SEL1L2: variants seen among roughly 807,000 people sequenced by gnomAD.
The protein encoded by SEL1L2 is protein sel-1 homolog 2.
SEL1L2 carries 89 observed loss-of-function variants against 98.8 expected under a neutral mutation model. That is an observed-to-expected ratio of 0.90 (90% CI 0.76 to 1.07). The LOEUF (loss-of-function observed/expected upper bound fraction) is 1.07. Among genes scored for constraint, SEL1L2 ranks in the 50% least tolerant of loss-of-function variants. The pLI, the probability that SEL1L2 is intolerant of heterozygous loss-of-function variation, is 0.00. For missense variants in SEL1L2, 788 were observed against 812.0 expected (o/e 0.97, Z 0.36); for synonymous variants, 262 against 278.5 (o/e 0.94, Z 0.59).
intron 2 of SEL1L2, among the ~76,000 whole-genome samples, chr20:13,943,061 T>A (rs1244173324): frequency 6.6e-6 from 1 of 152,178 alleles, no homozygotes; most frequent in Admixed American, 6.5e-5. Context: ...TTATCCCTTG[T>A]AGAGAAGAAG....
chr20:13,969,642 A>G (rs2051196354), intron 1 of SEL1L2, among the ~76,000 whole-genome samples: 1 of 152,148 alleles, frequency 6.6e-6, no homozygotes, highest in South Asian at 2.1e-4. Context: ...CTCCTACCCC[A>G]TATGTACATT....
At chr20:13,939,971 C>T (rs1318362243) in intron 2 of SEL1L2, among the ~76,000 whole-genome samples, 1 of 152,162 alleles carries the variant, frequency 6.6e-6, no homozygotes, top group Non-Finnish European at 1.5e-5. Flanking sequence ...CTGGCCAAAA[C>T]CCCTATTCTT....
At chr20:13,986,042 T>C (rs1455321424) in intron 1 of SEL1L2, among the ~76,000 whole-genome samples, 4 of 152,262 alleles carry the variant, frequency 2.6e-5, no homozygotes, top group Non-Finnish European at 4.4e-5. Flanking sequence ...CATCAGTTGC[T>C]GGACATTTGG....
rs574715656 is a variant in SEL1L2 at position 13,865,073 on chromosome 20, C to T, written c.1645+94G>A. The T allele has an allele frequency of 4.4e-6, 4 of 900,926 alleles. No individual in the cohort carries two copies. In the South Asian group the frequency reaches 6.1e-5, roughly 14 times the overall value. The allele number at this position is 900,926 out of a possible 1,614,324, so 55.8% of individuals were successfully genotyped here. A position where few individuals can be genotyped will look rare whatever the true frequency, so the allele number is the denominator to read the frequency against. On this transcript the variant is annotated intron_variant, in intron 17 of 19. Coordinates refer to ENST00000284951, the MANE Select transcript of SEL1L2 (RefSeq NM_025229.2). Reference sequence around the variant, plus strand: ...CACCTACTTGATATTCTACCCTTTGCTGCCTATGTGCACAAACACGCAGCT... The same window carrying T: ...CACCTACTTGATATTCTACCCTTTGTTGCCTATGTGCACAAACACGCAGCT...
intron 3 of SEL1L2, among the ~76,000 whole-genome samples, chr20:13,926,054 C>T (rs111901752): frequency 1.3e-5 from 2 of 152,212 alleles, no homozygotes; most frequent in African/African-American, 4.8e-5. Context: ...AGCCGTGGCT[C>T]ACGCCTGTAA....
intron 1 of SEL1L2, among the ~76,000 whole-genome samples, chr20:13,961,601 G>A (rs986193278): frequency 6.6e-6 from 1 of 152,216 alleles, no homozygotes; most frequent in African/African-American, 2.4e-5. Flanking sequence ...AATGAGAAGA[G>A]GCCTCTGGGC....
chr20:13,901,722 C>A (rs982400532), intron 5 of SEL1L2, among the ~76,000 whole-genome samples: 3 of 150,710 alleles, frequency 2.0e-5, no homozygotes, highest in African/African-American at 7.3e-5. Flanking sequence ...AGTGCATTGG[C>A]ACGATCTCAG....
In SEL1L2 at chr20:13,887,994, A is replaced by T; in HGVS notation, c.611T>A (p.Ile204Lys). 6.2e-7 allele frequency: 1 copy of T among 1,613,344 alleles called. No individual in the cohort carries two copies. The highest frequency in any genetic ancestry group is 8.5e-7 in the Non-Finnish European group (1 of 1,179,744). Residue 204 changes from isoleucine to lysine, a missense_variant, in exon 7 of 20, where the codon ATA becomes AAA. Physicochemically the swap from Ile to Lys is moderately radical, Grantham distance 102 (BLOSUM62 -3). Coordinates refer to ENST00000284951, the MANE Select transcript of SEL1L2 (RefSeq NM_025229.2). Reference sequence around the variant, plus strand: ...TCCAGCACTTCCAAAGGTGTAATATATCAGTGCCTAAAGTAAAAACAAACA... The same window carrying T: ...TCCAGCACTTCCAAAGGTGTAATATTTCAGTGCCTAAAGTAAAAACAAACA... ...GMEYDQAKAL[I>K]YYTFGSAGGN... is the part of the protein sequence containing the mutation.
chr20:13,908,025 G>GATCTCCCGCCTCAGCCTC (rs2048043529), intron 5 of SEL1L2, among the ~76,000 whole-genome samples: 2 of 145,864 alleles, frequency 1.4e-5, no homozygotes, highest in Non-Finnish European at 3.0e-5. Context: ...GGGCTCAAGT[G>GATCTCCCGCCTCAGCCTC]ATCTCCCGCC....
chr20:13,918,238 T>C (rs902722697), intron 4 of SEL1L2, among the ~76,000 whole-genome samples: 7 of 152,316 alleles, frequency 4.6e-5, no homozygotes, highest in Admixed American at 3.3e-4. Flanking sequence ...AAGAGCTTGA[T>C]TGCATTATCC....
At chr20:13,949,655 T>C (rs1458406453) in intron 2 of SEL1L2, among the ~76,000 whole-genome samples, 2 of 150,568 alleles carry the variant, frequency 1.3e-5, no homozygotes, top group Non-Finnish European at 2.9e-5. Context: ...AGAGTGAGAC[T>C]CTGTCTCAAA....
rs1600429773 is a variant in SEL1L2, at chr20:13,850,338, C to A, written c.1819-19G>T. On this transcript the variant is annotated intron_variant, in intron 18 of 19. Coordinates refer to ENST00000284951, the MANE Select transcript of SEL1L2 (RefSeq NM_025229.2). ...GAATGTCCTAGAAGGAGAAGAATAG[C>A]CCTACCCATCAGATTCTGTAGGGGT... is the stretch of plus-strand genomic sequence containing the variant. 6.2e-7 allele frequency: 1 copy of A among 1,613,504 alleles called. No individual in the cohort carries two copies. The highest frequency in any genetic ancestry group is 8.5e-7 in the Non-Finnish European group (1 of 1,179,570).
At chr20:13,950,206 G>A (rs1264214481) in intron 2 of SEL1L2, among the ~76,000 whole-genome samples, 1 of 151,782 alleles carries the variant, frequency 6.6e-6, no homozygotes, top group Non-Finnish European at 1.5e-5. Context: ...TTTTTTTAAT[G>A]GATATAGAGT....
At chr20:13,961,742 T>C (rs776168631) in intron 1 of SEL1L2, among the ~76,000 whole-genome samples, 1 of 152,134 alleles carries the variant, frequency 6.6e-6, no homozygotes, top group Non-Finnish European at 1.5e-5. Context: ...AAGAGCCAAA[T>C]AGAACAATAT....
chr20:13,883,479 A>G (rs373123627), intron 10 of SEL1L2, among the ~76,000 whole-genome samples: 1 of 152,258 alleles, frequency 6.6e-6, no homozygotes, highest in Admixed American at 6.5e-5. Flanking sequence ...TTCTTAAACA[A>G]TCTTACTTCC....
Position 13,990,589 on chromosome 20 carries a change from C to A in SEL1L2, c.-55G>T. 7.4e-7 allele frequency: 1 copy of A among 1,358,942 alleles called. No individual in the cohort carries two copies. Among genetic ancestry groups the A allele is most frequent in the Non-Finnish European group, 1.0e-6 (1 of 955,520 alleles). The allele number at this position is 1,358,942 out of a possible 1,614,324, so 84.2% of individuals were successfully genotyped here. On this transcript the variant is annotated 5_prime_UTR_variant, in exon 1 of 20. Coordinates refer to ENST00000284951, the MANE Select transcript of SEL1L2 (RefSeq NM_025229.2). ...ACACAGGCAGAAACTAGGTGATTGG[C>A]CCAAGAGCTCCTCTTCTCAGGGACT...
At position 13,979,474 on chromosome 20, in the gene SEL1L2, A is replaced by ATT. The variant is rs891889670; in HGVS notation, c.58+11001_58+11002dup. Among the ~76,000 whole-genome samples, 11 of 152,370 alleles carry ATT rather than the reference A, an allele frequency of 7.2e-5. 1 individual carries two copies. The highest frequency in any genetic ancestry group is 2.6e-4 in the African/African-American group (11 of 41,594). ...CTAATAACTGATTTGATCATTACAC[A>ATT]TTATATATATGTACTGAAGTATCAC... On this transcript the variant is annotated intron_variant, in intron 1 of 19. Transcript: ENST00000284951.
At chr20:13,985,101 C>T (rs1461445527) in intron 1 of SEL1L2, among the ~76,000 whole-genome samples, 1 of 152,054 alleles carries the variant, frequency 6.6e-6, no homozygotes, top group Non-Finnish European at 1.5e-5. Context: ...GATATCCCCT[C>T]TCCCCCAACC....
intron 12 of SEL1L2, among the ~76,000 whole-genome samples, chr20:13,875,016 C>G (rs1196512336): frequency 6.6e-6 from 1 of 152,128 alleles, no homozygotes. Flanking sequence ...AGATACCAGC[C>G]TCACGGACCC....
Sources: allele counts gnomAD v4.1 joint callset (sites outside exome capture counted in the v4.1 genomes callset), GRCh38; gene constraint gnomAD v4.1.1; transcripts MANE v1.5; gene names NCBI Gene and HGNC (gene_info 2026-07-23, HGNC 2026-07-21).